MYO9B: variants seen among roughly 807,000 people sequenced by gnomAD.
MYO9B encodes myosin IXB, also known as unconventional myosin-IXb.
In MYO9B, 71 loss-of-function variants were observed where a neutral mutation model predicts 229.5. The observed-to-expected ratio is 0.31, with a 90% CI of 0.26 to 0.38. MYO9B has a LOEUF of 0.38. Among genes scored for constraint, MYO9B ranks in the 10% least tolerant of loss-of-function variants. MYO9B has a pLI of 1.00. For synonymous variants in MYO9B, 1,185 were observed against 1,235.8 expected, an observed-to-expected ratio of 0.96 and a Z score of 0.86; for missense variants, 2,255 against 2,920.5, an observed-to-expected ratio of 0.77 and a Z score of 5.25.
chr19:17,170,542 T>C (rs531653637), intron 11 of MYO9B, among the ~76,000 whole-genome samples: 15 of 148,928 alleles, frequency 1.0e-4, no homozygotes, highest in Non-Finnish European at 1.9e-4. Context: ...CCAGGTGCGG[T>C]GGCTCCCACC....
At chr19:17,079,328 A>C (rs2057513999) in intron 1 of MYO9B, among the ~76,000 whole-genome samples, 1 of 152,172 alleles carries the variant, frequency 6.6e-6, no homozygotes, top group African/African-American at 2.4e-5. Context: ...GTCTTGATAA[A>C]AAGGAGGAAC....
chr19:17,205,323 C>T lies in MYO9B; in HGVS notation c.5051C>T (p.Thr1684Ile), dbSNP rs200272204. ...VHKIQSHCSY[T>I]YGRKGEPGVE... Reference sequence around the variant, plus strand: ...AAGATTCAGAGCCACTGCTCCTACACCTACGGGAGGAAGGTGAGTGTACGA... The same window carrying T: ...AAGATTCAGAGCCACTGCTCCTACATCTACGGGAGGAAGGTGAGTGTACGA... Residue 1684 changes from threonine to isoleucine, a missense_variant, in exon 31 of 40, where the codon ACC becomes ATC. Thr to Ile is a moderately conservative substitution (Grantham distance 89). Around this residue, in one of 7 missense-constraint regions of MYO9B, gnomAD observed 416 missense variants for 605.5 expected, o/e 0.69. Transcript: ENST00000682292. The T allele has an allele frequency of 3.1e-6, 5 of 1,613,644 alleles. No individual in the cohort carries two copies. The highest frequency in any genetic ancestry group is 4.2e-6 in the Non-Finnish European group (5 of 1,179,770).
At chr19:17,165,256 G>A (rs1376350517) in intron 10 of MYO9B, among the ~76,000 whole-genome samples, 1 of 151,940 alleles carries the variant, frequency 6.6e-6, no homozygotes. Context: ...AACTACTGAG[G>A]AGGCTGAGGT....
At chr19:17,134,377 G>GTTTTTTTTTTTTTTTTTTTTTT (rs1568267173) in intron 2 of MYO9B, among the ~76,000 whole-genome samples, 2 of 39,726 alleles carry the variant, frequency 5.0e-5, no homozygotes, top group African/African-American at 1.9e-4. Flanking sequence ...TTTTCGTTTT[G>GTTTTTTTTTTTTTTTTTTTTTT]TTTGTTTTTT....
In MYO9B at chr19:17,211,979, C is replaced by T. The variant is rs768893704; in HGVS notation, c.6143C>T (p.Pro2048Leu). ...GTGGCCGCCCCTCCACGACGAAGGC[C>T]GTCGTCCTTCGTAACGGTCAGAGTG... is the stretch of plus-strand genomic sequence containing the variant. ...PTVAAPPRRR[P>L]SSFVTVRVKT... Residue 2048 changes from proline (P) to leucine (L), a missense_variant, in exon 40 of 40, where the codon CCG becomes CTG. Pro to Leu is a moderately conservative substitution (Grantham distance 98, BLOSUM62 -3). Transcript: ENST00000682292. 3.7e-5 allele frequency: 59 copies of T among 1,595,530 alleles called. No individual in the cohort carries two copies. In the Middle Eastern group the frequency reaches 8.7e-4, roughly 24 times the overall value.
intron 5 of MYO9B, 23 bp from the exon 6 acceptor site, chr19:17,154,292 G>A: frequency 1.9e-6 from 3 of 1,604,098 alleles, no homozygotes; most frequent in Non-Finnish European, 1.7e-6. Flanking sequence ...AATGCCCAGA[G>A]TACCCATGCC....
intron 8 of MYO9B, among the ~76,000 whole-genome samples, chr19:17,161,906 T>C (rs1466777650): frequency 6.6e-6 from 1 of 151,196 alleles, no homozygotes; most frequent in East Asian, 1.9e-4. Flanking sequence ...GAAGATTGCT[T>C]GAGCCCAGGA....
intron 38 of MYO9B, among the ~76,000 whole-genome samples, chr19:17,211,297 G>A (rs537164212): frequency 6.6e-6 from 1 of 152,054 alleles, no homozygotes; most frequent in South Asian, 2.1e-4. Context: ...TCTGAGACAG[G>A]GTCTTTCTCT....
At chr19:17,110,669 T>C (rs2057839009) in intron 2 of MYO9B, among the ~76,000 whole-genome samples, 1 of 152,176 alleles carries the variant, frequency 6.6e-6, no homozygotes, top group Non-Finnish European at 1.5e-5. Context: ...CTTGTCAGGC[T>C]GTTGTCCCAA....
chr19:17,185,959 G>A lies in MYO9B; in HGVS notation c.2535G>A (p.Ala845=), dbSNP rs1308730618. 18 of 1,613,856 alleles carry A rather than the reference G, an allele frequency of 1.1e-5. No individual in the cohort carries two copies. Among genetic ancestry groups the A allele is most frequent in the Admixed American group, 3.3e-5 (2 of 60,008 alleles). ...AGCTCTTGGAGGCACTGGGGAAGGC[G>A]GAGCCCTTCTTTATCCGCTGCATCC... is the stretch of plus-strand genomic sequence containing the variant. ...LNKLLEALGK[A]EPFFIRCIRS... is the part of the protein sequence containing the mutation. The change falls in exon 18 of 40, where the codon GCG becomes GCA. Residue 845 remains alanine (A), a synonymous_variant. Transcript: ENST00000682292.
chr19:17,152,881 G>A (rs2072494372), intron 4 of MYO9B, 175 bp downstream of exon 4: 1 of 600,796 alleles, frequency 1.7e-6, no homozygotes, highest in Non-Finnish European at 2.9e-6. Flanking sequence ...CTGCCCCTGT[G>A]GCCTCACACT....
intron 20 of MYO9B, 65 bp downstream of exon 20, chr19:17,191,284 TCCCCAGGC>T: frequency 6.5e-7 from 1 of 1,529,734 alleles, no homozygotes; most frequent in Non-Finnish European, 8.8e-7. Context: ...ACACCGTGTC[TCCCCAGGC>T]CCCCAGGGCC....
chr19:17,144,753 G>A (rs1011671117), intron 2 of MYO9B, among the ~76,000 whole-genome samples: 2 of 151,700 alleles, frequency 1.3e-5, no homozygotes, highest in African/African-American at 4.8e-5. Flanking sequence ...CGGATTGTCT[G>A]AGCTCAGGAG....
intron 24 of MYO9B, among the ~76,000 whole-genome samples, chr19:17,200,018 C>A (rs1307609884): frequency 1.3e-5 from 2 of 152,056 alleles, no homozygotes; most frequent in East Asian, 3.9e-4. Flanking sequence ...ACTACAGGAA[C>A]CCACCATCAC....
intron 3 of MYO9B, among the ~76,000 whole-genome samples, chr19:17,146,109 G>A (rs895473896): frequency 1.3e-5 from 2 of 151,426 alleles, no homozygotes; most frequent in Non-Finnish European, 2.9e-5. Flanking sequence ...ATTATTGGGT[G>A]AATGGATTCA....
chr19:17,138,058 T>C (rs1314117615), intron 2 of MYO9B, among the ~76,000 whole-genome samples: 1 of 152,112 alleles, frequency 6.6e-6, no homozygotes, highest in African/African-American at 2.4e-5. Flanking sequence ...CCTAGCCCCC[T>C]ACCCCCTACA....
At chr19:17,092,867 T>C (rs1002516828) in intron 1 of MYO9B, among the ~76,000 whole-genome samples, 1 of 152,158 alleles carries the variant, frequency 6.6e-6, no homozygotes, top group Non-Finnish European at 1.5e-5. Flanking sequence ...ATGTGTGTGC[T>C]GTGTTTATAT....
intron 31 of MYO9B, 82 bp from the exon 32 acceptor site, chr19:17,205,878 G>T (rs1385199593): frequency 2.9e-6 from 4 of 1,363,296 alleles, no homozygotes; most frequent in African/African-American, 2.9e-5. Flanking sequence ...CCTTGTGCGG[G>T]ACCAGGAGGC....
Position 17,206,138 on chromosome 19 carries a change from A to G in MYO9B, c.5243A>G (p.Gln1748Arg), listed in dbSNP as rs762751579. The G allele has an allele frequency of 6.2e-7, 1 of 1,606,948 alleles. No homozygotes were observed. Among genetic ancestry groups the G allele is most frequent in the South Asian group, 1.1e-5 (1 of 90,752 alleles). Residue 1748 changes from glutamine (Q) to arginine (R), a missense_variant, in exon 32 of 40, where the codon CAG becomes CGG. This residue lies in a region of MYO9B where 416 missense variants were observed against 605.5 expected (regional missense o/e 0.69). Transcript: ENST00000682292. The stretch of plus-strand genomic sequence containing the variant: ...GCCAACCGCACTCGGGAGCTCCGGC[A>G]GGCGCTGCAGACAGGTGGGCGCTGT... ...GAANRTRELR[Q>R]ALQTDPAAVK...
Sources: allele counts gnomAD v4.1 joint callset (sites outside exome capture counted in the v4.1 genomes callset), GRCh38; gene constraint gnomAD v4.1.1; regional missense constraint gnomAD v4.1.1; transcripts MANE v1.5; gene names NCBI Gene and HGNC (gene_info 2026-07-23, HGNC 2026-07-21).